Variants in FTO observed in about 807,000 individuals in gnomAD.
FTO encodes the protein alpha-ketoglutarate-dependent dioxygenase FTO.
In FTO, 47 loss-of-function variants were observed where a neutral mutation model predicts 63.9. That is an observed-to-expected ratio of 0.74 (90% confidence interval 0.58 to 0.94). The LOEUF (loss-of-function observed/expected upper bound fraction) is 0.94. Ranked by LOEUF, FTO falls within the 40% of genes least tolerant of loss-of-function variation. FTO has a pLI of 0.00. For missense variants in FTO, 562 were observed against 618.1 expected (o/e 0.91, Z 0.96); for synonymous variants, 207 against 224.4 (o/e 0.92, Z 0.69).
chr16:53,864,738 G>A (rs1330188588), intron 4 of FTO, among the ~76,000 whole-genome samples: 1 of 152,080 alleles, frequency 6.6e-6, no homozygotes, highest in African/African-American at 2.4e-5. Context: ...AAAATTATTA[G>A]GAATAATCTT....
At chr16:53,950,163 A>AAAAAAAAAAACAAAAAAAAAAAAAACAAC (rs1567466198) in intron 8 of FTO, among the ~76,000 whole-genome samples, 19 of 125,724 alleles carry the variant, frequency 1.5e-4, no homozygotes, top group Non-Finnish European at 2.0e-4. Flanking sequence ...TGTAAAAAAA[A>AAAAAAAAAAACAAAAAAAAAAAAAACAAC]AAAAAAAAAA....
chr16:53,732,005 C>T (rs977121599), intron 1 of FTO, among the ~76,000 whole-genome samples: 8 of 149,188 alleles, frequency 5.4e-5, no homozygotes, highest in South Asian at 2.1e-4. Context: ...GGATTACAGG[C>T]GTGAGCCACC....
chr16:53,713,807 A>C (rs12933337), intron 1 of FTO, among the ~76,000 whole-genome samples: 5 of 152,176 alleles, frequency 3.3e-5, no homozygotes, highest in African/African-American at 1.2e-4. Flanking sequence ...TGTAGGTACA[A>C]TGTTGTATAG....
At chr16:53,978,299 A>G (rs1365952789) in intron 8 of FTO, among the ~76,000 whole-genome samples, 4 of 152,208 alleles carry the variant, frequency 2.6e-5, no homozygotes, top group Non-Finnish European at 4.4e-5. Context: ...TAGTATGGAA[A>G]CAGCAGTCTT....
At chr16:54,019,582 C>T (rs543242729) in intron 8 of FTO, among the ~76,000 whole-genome samples, 1 of 152,232 alleles carries the variant, frequency 6.6e-6, no homozygotes, top group East Asian at 1.9e-4. Context: ...TCCTAAAAAC[C>T]TATCTCAGTG....
intron 1 of FTO, among the ~76,000 whole-genome samples, chr16:53,736,080 A>G (rs1310050141): frequency 3.3e-5 from 5 of 152,334 alleles, no homozygotes; most frequent in African/African-American, 1.2e-4. Flanking sequence ...TATTATTATT[A>G]TGTCCATTTT....
At chr16:53,756,514 A>G (rs1045834484) in intron 1 of FTO, among the ~76,000 whole-genome samples, 1 of 152,226 alleles carries the variant, frequency 6.6e-6, no homozygotes, top group African/African-American at 2.4e-5. Flanking sequence ...GCATGTTGTC[A>G]TCTTTTCTCT....
intron 1 of FTO, among the ~76,000 whole-genome samples, chr16:53,777,028 T>C (rs2151645559): frequency 6.6e-6 from 1 of 152,326 alleles, no homozygotes; most frequent in Middle Eastern, 3.4e-3. Context: ...TCAAGCTAAT[T>C]AACATATCTG....
At chr16:53,890,777 T>G (rs1418706128) in intron 7 of FTO, among the ~76,000 whole-genome samples, 2 of 152,182 alleles carry the variant, frequency 1.3e-5, no homozygotes, top group East Asian at 3.9e-4. Flanking sequence ...ATGAGTACTC[T>G]CCATTTTTAT....
rs184861892 is a variant in FTO at position 53,759,560 on chromosome 16, G to A, written c.46-50580G>A. On this transcript the variant is annotated intron_variant, in intron 1 of 8. Coordinates refer to ENST00000471389, the MANE Select transcript of FTO (RefSeq NM_001080432.3). ...AGTACAAAAATTAGCTGGGCATGGT[G>A]GTGGGCACCTGTAATCCCAGCTGCT... is the stretch of plus-strand genomic sequence containing the variant. 3.2e-3 allele frequency among the ~76,000 whole-genome samples: 487 copies of A among 152,080 alleles called. 2 individuals are homozygous for A. The highest frequency in any genetic ancestry group is 5.6e-3 in the Admixed American group (86 of 15,284).
intron 7 of FTO, among the ~76,000 whole-genome samples, chr16:53,925,612 A>T (rs1419871054): frequency 6.6e-6 from 1 of 152,190 alleles, no homozygotes; most frequent in Non-Finnish European, 1.5e-5. Flanking sequence ...GGCCTATCAG[A>T]AGCCGTTGCA....
At chr16:53,728,354 G>A (rs2076198333) in intron 1 of FTO, among the ~76,000 whole-genome samples, 1 of 152,134 alleles carries the variant, frequency 6.6e-6, no homozygotes, top group African/African-American at 2.4e-5. Flanking sequence ...TCTTGCTTAT[G>A]ACATCACGTT....
intron 8 of FTO, among the ~76,000 whole-genome samples, chr16:54,057,127 C>T (rs185438035): frequency 2.0e-3 from 308 of 152,288 alleles, no homozygotes; most frequent in Non-Finnish European, 3.5e-3. Context: ...TGGAAGGAGC[C>T]GTAAAATTGA....
At chr16:54,095,488 T>C in intron 8 of FTO, among the ~76,000 whole-genome samples, 1 of 152,012 alleles carries the variant, frequency 6.6e-6, no homozygotes, top group Non-Finnish European at 1.5e-5. Context: ...AACACTTATC[T>C]CTAGCAGAAA....
Position 53,911,408 on chromosome 16 carries a change from A to G in FTO, c.1239+22457A>G, listed in dbSNP as rs75097003. On this transcript the variant is annotated intron_variant, in intron 7 of 8. Transcript: ENST00000471389. Reference sequence around the variant, plus strand: ...GAGTGGAGGAAAGTCAGCGAATGTAATAGTGTCGAACCCTGCAGGGAAGTT... The same window carrying G: ...GAGTGGAGGAAAGTCAGCGAATGTAGTAGTGTCGAACCCTGCAGGGAAGTT... 92 of 703,182 alleles carry G rather than the reference A, an allele frequency of 1.3e-4. No individual in the cohort carries two copies. The East Asian group carries it at 2.4e-3, about 18-fold the overall frequency. The allele number at this position is 703,182 out of a possible 1,614,324, so 43.6% of individuals were successfully genotyped here.
chr16:53,868,111 G>A (rs79049397), intron 4 of FTO, among the ~76,000 whole-genome samples: 1,939 of 152,046 alleles, frequency 0.013, 36 homozygotes, highest in African/African-American at 0.043. Context: ...CTTGTAGATA[G>A]CATATGCCTT....
chr16:53,766,445 A>T (rs992714215), intron 1 of FTO, among the ~76,000 whole-genome samples: 1 of 151,718 alleles, frequency 6.6e-6, no homozygotes, highest in East Asian at 1.9e-4. Context: ...CTGGTCTCCA[A>T]CTCCTGGGCT....
At chr16:53,852,101 C>CAA (rs57004473) in intron 4 of FTO, among the ~76,000 whole-genome samples, 7 of 54,434 alleles carry the variant, frequency 1.3e-4, no homozygotes, top group Non-Finnish European at 2.3e-4. Context: ...ACAAAAAATA[C>CAA]AAAAAAAAAA....
intron 1 of FTO, among the ~76,000 whole-genome samples, chr16:53,779,107 TTTGGAAGGCAATC>T (rs2077528717): frequency 1.3e-5 from 2 of 152,180 alleles, no homozygotes; most frequent in South Asian, 4.1e-4. Flanking sequence ...TTTATTTATA[TTTGGAAGGCAATC>T]TTTCTGCTTC....
Sources: allele counts gnomAD v4.1 joint callset (sites outside exome capture counted in the v4.1 genomes callset), GRCh38; gene constraint gnomAD v4.1.1; transcripts MANE v1.5; gene names NCBI Gene and HGNC (gene_info 2026-07-23, HGNC 2026-07-21).